Variants in ROR2 observed in about 807,000 individuals in gnomAD.
ROR2 encodes the protein tyrosine-protein kinase transmembrane receptor ROR2.
ROR2 carries 33 observed loss-of-function variants against 74.9 expected under a neutral mutation model. The observed-to-expected ratio is 0.44, with a 90% confidence interval of 0.33 to 0.59. The LOEUF is 0.59. Ranked by LOEUF, ROR2 falls within the 20% of genes least tolerant of loss-of-function variation. The pLI, the probability that ROR2 is intolerant of heterozygous loss-of-function variation, is 0.02. For synonymous variants in ROR2, 586 were observed against 558.7 expected (o/e 1.05, Z -0.69); for missense variants, 1,216 against 1,313.8 (o/e 0.93, Z 1.15).
At chr9:91,912,192 T>C (rs1831010059) in intron 1 of ROR2, among the ~76,000 whole-genome samples, 1 of 152,224 alleles carries the variant, frequency 6.6e-6, no homozygotes, top group African/African-American at 2.4e-5. Flanking sequence ...ATCACTAGTA[T>C]ACCAATATTA....
chr9:91,728,977 C>T (rs1453322073), intron 7 of ROR2, among the ~76,000 whole-genome samples: 1 of 151,976 alleles, frequency 6.6e-6, no homozygotes, highest in Non-Finnish European at 1.5e-5. Flanking sequence ...CCATTTATGC[C>T]CTGTAAGTAC....
intron 1 of ROR2, among the ~76,000 whole-genome samples, chr9:91,910,412 G>A (rs983302462): frequency 1.3e-5 from 2 of 152,108 alleles, no homozygotes; most frequent in Admixed American, 6.5e-5. Flanking sequence ...GGGAATCTAT[G>A]CTTAAATAAT....
intron 1 of ROR2, among the ~76,000 whole-genome samples, chr9:91,888,302 G>A (rs1830340645): frequency 6.6e-6 from 1 of 152,140 alleles, no homozygotes; most frequent in African/African-American, 2.4e-5. Context: ...GAGCATAGCT[G>A]AACATGGATT....
At chr9:91,806,882 C>A (rs1587737348) in intron 1 of ROR2, among the ~76,000 whole-genome samples, 1 of 152,224 alleles carries the variant, frequency 6.6e-6, no homozygotes, top group African/African-American at 2.4e-5. Flanking sequence ...AGCCATCGCG[C>A]CTGGCCGATC....
chr9:91,815,007 A>G (rs1224046230), intron 1 of ROR2, among the ~76,000 whole-genome samples: 2 of 152,342 alleles, frequency 1.3e-5, no homozygotes, highest in South Asian at 2.1e-4. Context: ...GTCCCCAGCA[A>G]TGACTCAGAG....
chr9:91,771,722 T>TCTCTCTCTTCTCTC (rs1826233806), intron 2 of ROR2, among the ~76,000 whole-genome samples: 1 of 150,764 alleles, frequency 6.6e-6, no homozygotes, highest in Non-Finnish European at 1.5e-5. Context: ...CCTCTCTCTC[T>TCTCTCTCTTCTCTC]TCTCTCTCTC....
intron 5 of ROR2, among the ~76,000 whole-genome samples, chr9:91,736,767 C>A (rs1411845396): frequency 6.6e-6 from 1 of 152,176 alleles, no homozygotes; most frequent in African/African-American, 2.4e-5. Context: ...GAAGTTAAGT[C>A]CTAATGAGAC....
At chr9:91,862,683 GAA>G (rs1829505838) in intron 1 of ROR2, among the ~76,000 whole-genome samples, 1 of 152,234 alleles carries the variant, frequency 6.6e-6, no homozygotes, top group South Asian at 2.1e-4. Flanking sequence ...AAAAAGAAGA[GAA>G]AGAGAAACCA....
At chr9:91,741,336 A>C (rs895782135) in intron 4 of ROR2, among the ~76,000 whole-genome samples, 2 of 145,492 alleles carry the variant, frequency 1.4e-5, no homozygotes, top group Admixed American at 7.1e-5. Context: ...TAATAATAAT[A>C]ATAATAAAAT....
At chr9:91,860,672 G>T (rs1005016704) in intron 1 of ROR2, among the ~76,000 whole-genome samples, 4 of 152,204 alleles carry the variant, frequency 2.6e-5, no homozygotes, top group Admixed American at 6.5e-5. Flanking sequence ...AAGGCCTGGA[G>T]TACTAACGTG....
intron 1 of ROR2, among the ~76,000 whole-genome samples, chr9:91,823,325 C>T (rs184245678): frequency 1.3e-5 from 2 of 151,908 alleles, no homozygotes; most frequent in African/African-American, 4.8e-5. Context: ...TATTTTCAAA[C>T]TGTTCAGCAA....
Position 91,733,718 on chromosome 9 carries a change from G to GA in ROR2, c.623-283dup, listed in dbSNP as rs553241336. Among the ~76,000 whole-genome samples, 595 of 152,052 alleles carry GA rather than the reference G, an allele frequency of 3.9e-3. 5 individuals carry two copies. The highest frequency in any genetic ancestry group is 0.014 in the African/African-American group (575 of 41,314). ...CATCAGAAGCAGAACAAGAAAGAAG[G>GA]AAAACTCGGCCCCCTAGCTCACTCC... On this transcript the variant is annotated intron_variant, in intron 5 of 8. Coordinates refer to ENST00000375708, the MANE Select transcript of ROR2 (RefSeq NM_004560.4). This position sits in a 1 kb window ranked among gnomAD's most constrained non-coding sequence, Gnocchi z 5.7.
At chr9:91,874,409 G>A (rs1340995186) in intron 1 of ROR2, among the ~76,000 whole-genome samples, 1 of 150,962 alleles carries the variant, frequency 6.6e-6, no homozygotes, top group African/African-American at 2.5e-5. Context: ...ATGTAATTAA[G>A]TATTTAATTG....
At chr9:91,948,600 C>G (rs1832074301) in intron 1 of ROR2, 1 of 985,366 alleles carries the variant, frequency 1.0e-6, no homozygotes, top group Non-Finnish European at 1.2e-6. Flanking sequence ...CTTTCTGACT[C>G]GCGTACCTTG....
chr9:91,944,577 T>C (rs1440313857), intron 1 of ROR2, among the ~76,000 whole-genome samples: 1 of 152,020 alleles, frequency 6.6e-6, no homozygotes, highest in African/African-American at 2.4e-5. Context: ...CAGTGGGCAA[T>C]GTGAAAAGGA....
At chr9:91,840,055 G>A (rs1052735980) in intron 1 of ROR2, among the ~76,000 whole-genome samples, 1 of 152,124 alleles carries the variant, frequency 6.6e-6, no homozygotes, top group Non-Finnish European at 1.5e-5. Context: ...CATTTCTCAG[G>A]GAGAGCCTCA....
intron 1 of ROR2, among the ~76,000 whole-genome samples, chr9:91,818,474 C>T (rs576735947): frequency 7.9e-6 from 1 of 126,368 alleles, no homozygotes; most frequent in East Asian, 2.7e-4. Flanking sequence ...CCACCAGTAG[C>T]CAGCCCTCTC....
intron 1 of ROR2, among the ~76,000 whole-genome samples, chr9:91,915,737 AACC>A (rs1484753828): frequency 6.6e-6 from 1 of 152,130 alleles, no homozygotes; most frequent in African/African-American, 2.4e-5. Context: ...ACCTCTAGCT[AACC>A]ACAGAGTGCT....
At chr9:91,791,743 G>A (rs1299935537) in intron 1 of ROR2, among the ~76,000 whole-genome samples, 2 of 150,226 alleles carry the variant, frequency 1.3e-5, no homozygotes, top group Non-Finnish European at 2.9e-5. Context: ...GATACAACAC[G>A]AACAGAACAC....
Sources: gnomAD v4.1 joint callset for allele counts (sites outside exome capture counted in the v4.1 genomes callset) on GRCh38, gnomAD v4.1.1 for gene constraint, Gnocchi (gnomAD v3.1) non-coding constraint, MANE v1.5 for transcripts, NCBI Gene and HGNC (gene_info 2026-07-23, HGNC 2026-07-21) for gene names.